Variants in LRP1B observed in about 807,000 individuals in gnomAD.
The protein encoded by LRP1B is low-density lipoprotein receptor-related protein 1B.
A neutral mutation model predicts 556.6 loss-of-function variants in LRP1B; 217 were observed. That is an observed-to-expected ratio of 0.39 (90% CI 0.35 to 0.44). The LOEUF is 0.44. LRP1B is among the 20% of genes least tolerant of loss of function. The probability of loss-of-function intolerance (pLI) is 1.00; values close to 1 mark genes in which losing one functional copy is unlikely to be tolerated. For missense variants in LRP1B, 5,053 were observed against 5,620.8 expected (o/e 0.90, Z 3.23); for synonymous variants, 2,047 against 1,865.8 (o/e 1.10, Z -2.50).
At chr2:141,741,687 G>A (rs1307856692) in intron 2 of LRP1B, among the ~76,000 whole-genome samples, 2 of 151,992 alleles carry the variant, frequency 1.3e-5, no homozygotes, top group African/African-American at 2.4e-5. Flanking sequence ...ACATATTCTG[G>A]TTATTAATCT....
At chr2:141,290,111 T>G (rs1685883460) in intron 3 of LRP1B, among the ~76,000 whole-genome samples, 2 of 152,118 alleles carry the variant, frequency 1.3e-5, no homozygotes, top group Admixed American at 6.6e-5. Flanking sequence ...GAACATTCAA[T>G]ACACCTCTCC....
At position 140,482,336 on chromosome 2, in the gene LRP1B, GCC is replaced by G. The variant is rs1000278206; in HGVS notation, c.9425+3005_9425+3006del. 1.4e-4 allele frequency among the ~76,000 whole-genome samples: 21 copies of G among 151,966 alleles called. 1 individual carries two copies. The highest frequency in any genetic ancestry group is 5.1e-4 in the African/African-American group (21 of 41,374). On this transcript the variant is annotated intron_variant, in intron 59 of 90. Transcript: ENST00000389484. The stretch of plus-strand genomic sequence containing the variant: ...ATTCACTTTAATGTTTATCATAATG[GCC>G]TTTGTTATGATTAACTAAAGTGACA...
chr2:141,746,669 TATAG>T (rs1574314319), intron 2 of LRP1B, among the ~76,000 whole-genome samples: 1 of 151,976 alleles, frequency 6.6e-6, no homozygotes, highest in Non-Finnish European at 1.5e-5. Flanking sequence ...CTTCACAAGA[TATAG>T]ATAGTTGTTA....
intron 13 of LRP1B, 71 bp from the exon 14 acceptor site, chr2:141,013,816 G>A (rs1169497606): frequency 1.2e-6 from 1 of 865,190 alleles, no homozygotes; most frequent in East Asian, 2.9e-5. Context: ...TTTAGAGAAA[G>A]TGATATTCAA....
At chr2:141,186,002 C>T (rs1210694197) in intron 7 of LRP1B, among the ~76,000 whole-genome samples, 1 of 135,268 alleles carries the variant, frequency 7.4e-6, no homozygotes, top group Non-Finnish European at 1.5e-5. Flanking sequence ...TCGCTTGAAC[C>T]CTGGAGGCAG....
chr2:140,511,998 A>C (rs1689683675), intron 51 of LRP1B, among the ~76,000 whole-genome samples: 1 of 151,984 alleles, frequency 6.6e-6, no homozygotes, highest in African/African-American at 2.4e-5. Flanking sequence ...TTTACTTTTT[A>C]GCTTGAGATG....
In LRP1B at chr2:140,937,498, A is replaced by T. The variant is rs1019241337; in HGVS notation, c.3136+12737T>A. ...ATGGGTAGAGTTACAGTTTTGCGAG[A>T]TGACAAGATTTCTAGGTATGAAGGA... On this transcript the variant is annotated intron_variant, in intron 20 of 90. Coordinates refer to ENST00000389484, the MANE Select transcript of LRP1B (RefSeq NM_018557.3). Among the ~76,000 whole-genome samples the T allele has an allele frequency of 5.9e-5, 9 of 152,106 alleles. 1 individual carries two copies.
intron 86 of LRP1B, among the ~76,000 whole-genome samples, chr2:140,255,621 T>C (rs1681639827): frequency 1.3e-5 from 2 of 152,168 alleles, no homozygotes; most frequent in African/African-American, 2.4e-5. Flanking sequence ...TCAATAGATA[T>C]ATTTTGCTGA....
intron 1 of LRP1B, among the ~76,000 whole-genome samples, chr2:141,918,404 C>T (rs929196178): frequency 2.6e-5 from 4 of 151,986 alleles, no homozygotes; most frequent in Non-Finnish European, 5.9e-5. Flanking sequence ...AAAAGGAAAG[C>T]TATTTCATCC....
intron 41 of LRP1B, among the ~76,000 whole-genome samples, chr2:140,605,371 A>C (rs771470373): frequency 1.3e-5 from 2 of 152,120 alleles, no homozygotes; most frequent in African/African-American, 2.4e-5. Flanking sequence ...TACAGGTCCA[A>C]TTCACTATCC....
chr2:140,858,756 C>A (rs1425477353), intron 27 of LRP1B, among the ~76,000 whole-genome samples: 1 of 151,926 alleles, frequency 6.6e-6, no homozygotes, highest in Non-Finnish European at 1.5e-5. Context: ...CTCGACAGGC[C>A]CCAGTGTGTG....
chr2:141,787,864 T>C (rs1386079866), intron 2 of LRP1B, among the ~76,000 whole-genome samples: 1 of 152,022 alleles, frequency 6.6e-6, no homozygotes, highest in African/African-American at 2.4e-5. Context: ...GTAGCCTTTC[T>C]CATTAAAATC....
chr2:141,127,495 C>A (rs1422597349), intron 7 of LRP1B, among the ~76,000 whole-genome samples: 2 of 152,086 alleles, frequency 1.3e-5, no homozygotes, highest in African/African-American at 4.8e-5. Flanking sequence ...AACCCAAATG[C>A]CCATCAGTAA....
chr2:140,720,161 T>C lies in LRP1B; in HGVS notation c.5759-3345A>G, dbSNP rs1033660239. Among the ~76,000 whole-genome samples, 7 of 152,148 alleles carry C rather than the reference T, an allele frequency of 4.6e-5. No individual in the cohort carries two copies. In the South Asian group the frequency reaches 6.2e-4, roughly 13 times the overall value. On this transcript the variant is annotated intron_variant, in intron 35 of 90. Transcript: ENST00000389484. Reference sequence around the variant, plus strand: ...AGTACCTCCATTCAATAGATACTTATGGAATTCTTAGTTTGTGCTAAGAAT... The same window carrying C: ...AGTACCTCCATTCAATAGATACTTACGGAATTCTTAGTTTGTGCTAAGAAT...
chr2:140,414,923 T>G (rs1367410358), intron 66 of LRP1B, among the ~76,000 whole-genome samples: 1 of 152,170 alleles, frequency 6.6e-6, no homozygotes, highest in Admixed American at 6.5e-5. Flanking sequence ...TAAATGGATG[T>G]GCAAATAGGA....
intron 25 of LRP1B, among the ~76,000 whole-genome samples, chr2:140,876,916 A>G (rs1198966774): frequency 2.0e-5 from 3 of 152,212 alleles, no homozygotes; most frequent in Non-Finnish European, 4.4e-5. Flanking sequence ...AGAAAGAATA[A>G]TAATGTTTCA....
At chr2:140,815,586 G>T (rs1239202652) in intron 31 of LRP1B, among the ~76,000 whole-genome samples, 2 of 152,240 alleles carry the variant, frequency 1.3e-5, no homozygotes, top group African/African-American at 4.8e-5. Flanking sequence ...TGGCCACAGG[G>T]CTACTGTGTT....
At chr2:140,798,177 T>C (rs1284707552) in intron 32 of LRP1B, among the ~76,000 whole-genome samples, 2 of 152,148 alleles carry the variant, frequency 1.3e-5, no homozygotes, top group Non-Finnish European at 2.9e-5. Flanking sequence ...GTTACCTGTT[T>C]TATACTCTGC....
At chr2:142,095,131 TA>T (rs1706313358) in intron 1 of LRP1B, among the ~76,000 whole-genome samples, 1 of 111,954 alleles carries the variant, frequency 8.9e-6, no homozygotes, top group Non-Finnish European at 1.9e-5. Context: ...TATGCACATA[TA>T]AAAAAGCTTT....
Sources: allele counts gnomAD v4.1 joint callset (sites outside exome capture counted in the v4.1 genomes callset), GRCh38; gene constraint gnomAD v4.1.1; transcripts MANE v1.5; gene names NCBI Gene and HGNC (gene_info 2026-07-23, HGNC 2026-07-21).